Variants in INPP4A observed in about 807,000 individuals in gnomAD.
INPP4A encodes inositol polyphosphate-4-phosphatase type I A, also known as inositol polyphosphate-4-phosphatase, type I, 107kD.
In INPP4A, 33 loss-of-function variants were observed where a neutral mutation model predicts 119.8. The observed-to-expected ratio is 0.28, with a 90% CI of 0.21 to 0.37. The LOEUF (loss-of-function observed/expected upper bound fraction) is 0.37. Among genes scored for constraint, INPP4A ranks in the 10% least tolerant of loss-of-function variants. The pLI, the probability that INPP4A is intolerant of heterozygous loss-of-function variation, is 1.00. For missense variants in INPP4A, 956 were observed against 1,289.9 expected (o/e 0.74, Z 3.97); for synonymous variants, 496 against 500.7 (o/e 0.99, Z 0.12).
At position 98,542,983 on chromosome 2, in the gene INPP4A, G is replaced by A. The variant is rs186730111; in HGVS notation, c.819-894G>A. On this transcript the variant is annotated intron_variant, in intron 10 of 24. Coordinates refer to ENST00000409851, the MANE Select transcript of INPP4A (RefSeq NM_001134225.2). ...TGCCTAGGCTGGAGTGCAGTGGTGC[G>A]ATCCTGGCTCACTGCAAGCCCCGCC... is the stretch of plus-strand genomic sequence containing the variant. 5.2e-4 allele frequency among the ~76,000 whole-genome samples: 79 copies of A among 151,574 alleles called. 1 individual carries two copies. The East Asian group carries it at 0.011, about 22-fold the overall frequency.
rs558939417 is a variant in INPP4A, at chr2:98,479,078, C to G, written c.-166+33993C>G. On this transcript the variant is annotated intron_variant, in intron 1 of 24. Coordinates refer to ENST00000409851, the MANE Select transcript of INPP4A (RefSeq NM_001134225.2). ...ACTTCCTCCCGGCTCCTGGGTGGTA[C>G]TGCTACTGCCAGTTCACAGACCACA... is the stretch of plus-strand genomic sequence containing the variant. Among the ~76,000 whole-genome samples, 4 of 152,286 alleles carry G rather than the reference C, an allele frequency of 2.6e-5. No individual in the cohort carries two copies. The East Asian group carries it at 7.7e-4, about 29-fold the overall frequency.
At chr2:98,467,822 T>C (rs1675111630) in intron 1 of INPP4A, among the ~76,000 whole-genome samples, 1 of 152,196 alleles carries the variant, frequency 6.6e-6, no homozygotes, top group Non-Finnish European at 1.5e-5. Context: ...AATTATCTAT[T>C]ATCTAATTAT....
intron 4 of INPP4A, among the ~76,000 whole-genome samples, chr2:98,526,905 C>T (rs760260808): frequency 5.3e-5 from 8 of 152,134 alleles, no homozygotes; most frequent in African/African-American, 9.7e-5. Flanking sequence ...ACAGGTCTTG[C>T]GTAAACTCAG....
chr2:98,469,374 G>A (rs545814039), intron 1 of INPP4A, among the ~76,000 whole-genome samples: 33 of 152,138 alleles, frequency 2.2e-4, no homozygotes, highest in African/African-American at 7.7e-4. Flanking sequence ...GCTGGCATGC[G>A]CCTGTAATCC....
chr2:98,455,667 G>C (rs1462628096), intron 1 of INPP4A, among the ~76,000 whole-genome samples: 1 of 152,184 alleles, frequency 6.6e-6, no homozygotes, highest in East Asian at 1.9e-4. Context: ...TGGGTGAAGT[G>C]TGGTATGTTC....
chr2:98,573,001 G>T lies in INPP4A; in HGVS notation c.2631+74G>T, dbSNP rs1217139474. The T allele has an allele frequency of 6.1e-6, 7 of 1,145,224 alleles. No homozygotes were observed. The East Asian group carries it at 1.8e-4, about 29-fold the overall frequency. The allele number at this position is 1,145,224 out of a possible 1,614,324, so 70.9% of individuals were successfully genotyped here. On this transcript the variant is annotated intron_variant, in intron 23 of 24. Coordinates refer to ENST00000409851, the MANE Select transcript of INPP4A (RefSeq NM_001134225.2). ...AACGTCATGACAGAAACATTACAAA[G>T]TAGAATCTCAGCAGGAGAGCAGAGC...
chr2:98,500,302 G>A (rs997028778), intron 1 of INPP4A, among the ~76,000 whole-genome samples: 4 of 152,152 alleles, frequency 2.6e-5, no homozygotes, highest in African/African-American at 7.2e-5. Flanking sequence ...GCTGGTTGGT[G>A]TCTGTTTGAT....
intron 3 of INPP4A, among the ~76,000 whole-genome samples, chr2:98,520,477 G>A (rs2303588): frequency 6.6e-6 from 1 of 152,190 alleles, no homozygotes; most frequent in East Asian, 1.9e-4. Flanking sequence ...TGTTGTGGAT[G>A]TGTAGATCTG....
At chr2:98,509,525 T>C (rs1025665258) in intron 1 of INPP4A, among the ~76,000 whole-genome samples, 2 of 152,198 alleles carry the variant, frequency 1.3e-5, no homozygotes, top group Non-Finnish European at 2.9e-5. Context: ...TCAATAAGGT[T>C]GGGGACTGCT....
chr2:98,565,864 T>C (rs1696337862), intron 20 of INPP4A, 98 bp downstream of exon 20: 5 of 1,547,762 alleles, frequency 3.2e-6, no homozygotes, highest in Non-Finnish European at 4.4e-6. Flanking sequence ...CCTATTTCAT[T>C]TTGTTAAATG....
intron 1 of INPP4A, among the ~76,000 whole-genome samples, chr2:98,478,734 G>A (rs903352521): frequency 2.6e-5 from 4 of 152,296 alleles, no homozygotes; most frequent in South Asian, 4.1e-4. Flanking sequence ...ATGGATTTCC[G>A]AGAAGGTTGC....
rs1178115072 is a variant in INPP4A at position 98,594,349 on chromosome 2, G to A, written c.*6741G>A. ...ATACGAACATCCTATTCACTTTTTG[G>A]TATACTGGTTGTTTAACAGTAAAAA... On this transcript the variant is annotated 3_prime_UTR_variant, in exon 25 of 25. Coordinates refer to ENST00000409851, the MANE Select transcript of INPP4A (RefSeq NM_001134225.2). 1 of 152,092 alleles carries A rather than the reference G, an allele frequency of 6.6e-6. No homozygotes were observed. Among genetic ancestry groups the A allele is most frequent in the African/African-American group, 2.4e-5 (1 of 41,410 alleles). The allele number at this position is 152,092 out of a possible 1,614,324, so 9.4% of individuals were successfully genotyped here.
chr2:98,559,751 C>T (rs1040166911), intron 17 of INPP4A, among the ~76,000 whole-genome samples: 1 of 152,154 alleles, frequency 6.6e-6, no homozygotes, highest in African/African-American at 2.4e-5. Flanking sequence ...TACAGATGAG[C>T]GTGTTGGGCT....
intron 18 of INPP4A, among the ~76,000 whole-genome samples, chr2:98,564,325 C>T (rs1696036400): frequency 6.6e-6 from 1 of 152,188 alleles, no homozygotes; most frequent in African/African-American, 2.4e-5. Flanking sequence ...TAGATAGACC[C>T]TTTCACTGTG....
At chr2:98,449,384 G>A (rs1694842256) in intron 1 of INPP4A, among the ~76,000 whole-genome samples, 2 of 152,092 alleles carry the variant, frequency 1.3e-5, no homozygotes, top group East Asian at 3.8e-4. Context: ...ATGAATTCTT[G>A]CTTTATTCAA....
chr2:98,465,398 A>G (rs1674530172), intron 1 of INPP4A, among the ~76,000 whole-genome samples: 1 of 152,220 alleles, frequency 6.6e-6, no homozygotes, highest in Non-Finnish European at 1.5e-5. Flanking sequence ...GACATTTGTG[A>G]TGGCATTTGG....
At chr2:98,526,573 T>A (rs952993740) in intron 4 of INPP4A, among the ~76,000 whole-genome samples, 1 of 152,122 alleles carries the variant, frequency 6.6e-6, no homozygotes, top group Non-Finnish European at 1.5e-5. Flanking sequence ...GCAAAAATGG[T>A]CAAAATCAAT....
intron 1 of INPP4A, among the ~76,000 whole-genome samples, chr2:98,517,711 G>T (rs367951085): frequency 6.6e-6 from 1 of 152,158 alleles, no homozygotes; most frequent in Admixed American, 6.5e-5. Flanking sequence ...CTATAGCTGG[G>T]CATTTGGATT....
At chr2:98,559,722 T>C (rs533789489) in intron 17 of INPP4A, among the ~76,000 whole-genome samples, 4 of 152,230 alleles carry the variant, frequency 2.6e-5, no homozygotes, top group Non-Finnish European at 5.9e-5. Context: ...TTTGTTTTAC[T>C]CTTACATTCT....
Sources: allele counts gnomAD v4.1 joint callset (sites outside exome capture counted in the v4.1 genomes callset), GRCh38; gene constraint gnomAD v4.1.1; transcripts MANE v1.5; gene names NCBI Gene and HGNC (gene_info 2026-07-23, HGNC 2026-07-21).